ECE1: variants seen among roughly 807,000 people sequenced by gnomAD.
ECE1 encodes endothelin converting enzyme 1.
In ECE1, 35 loss-of-function variants were observed where a neutral mutation model predicts 98.6. That is an observed-to-expected ratio of 0.35 (90% CI 0.27 to 0.47). The LOEUF (loss-of-function observed/expected upper bound fraction) is 0.47. Among genes scored for constraint, ECE1 ranks in the 20% least tolerant of loss-of-function variants. The pLI is 1.00. For synonymous variants in ECE1, 394 were observed against 407.1 expected (o/e 0.97, Z 0.39); for missense variants, 814 against 1,025.3 (o/e 0.79, Z 2.81).
At chr1:21,254,829 C>T (rs947287161) in intron 8 of ECE1, among the ~76,000 whole-genome samples, 10 of 152,194 alleles carry the variant, frequency 6.6e-5, no homozygotes, top group Admixed American at 6.5e-4. Flanking sequence ...GGGCAGCCAG[C>T]ACCAGCAGGA....
intron 8 of ECE1, among the ~76,000 whole-genome samples, chr1:21,254,655 T>C (rs1248275936): frequency 2.6e-5 from 4 of 151,948 alleles, no homozygotes; most frequent in African/African-American, 9.7e-5. Flanking sequence ...GGCTGAGAAA[T>C]CGGCTGGAAC....
rs1481825887 is a variant in ECE1, at chr1:21,256,156, C to A, written c.829-18G>T. 6.3e-7 allele frequency: 1 copy of A among 1,591,332 alleles called. No homozygotes were observed. The highest frequency in any genetic ancestry group is 8.6e-7 in the Non-Finnish European group (1 of 1,163,864). On this transcript the variant is annotated intron_variant, in intron 7 of 18. Transcript: ENST00000374893. ...GTCAGCACCTGCAGGGCCCATACCC[C>A]AAACTGTCAGTGGCTGCCCCCCCAC...
Position 21,225,187 on chromosome 1 carries a change from C to A in ECE1, c.2040+63G>T. 1 of 1,589,650 alleles carries A rather than the reference C, an allele frequency of 6.3e-7. No homozygotes were observed. The highest frequency in any genetic ancestry group is 8.6e-7 in the Non-Finnish European group (1 of 1,163,686). Reference sequence around the variant, plus strand: ...CCTGGTTGTCCGTGATGATCCTCTACGGACAGGCATCTGGAAGGAGCCAGC... The same window carrying A: ...CCTGGTTGTCCGTGATGATCCTCTAAGGACAGGCATCTGGAAGGAGCCAGC... On this transcript the variant is annotated intron_variant, in intron 17 of 18. Coordinates refer to ENST00000374893, the MANE Select transcript of ECE1 (RefSeq NM_001397.3). This position sits in a 1 kb window ranked among gnomAD's most constrained non-coding sequence, Gnocchi z 5.3.
At chr1:21,316,111 A>G (rs1182824513) in intron 1 of ECE1, among the ~76,000 whole-genome samples, 1 of 152,266 alleles carries the variant, frequency 6.6e-6, no homozygotes, top group Non-Finnish European at 1.5e-5. Flanking sequence ...ACAATGCGCC[A>G]GACACTGTTC....
chr1:21,273,338 CGT>C (rs780250320), intron 3 of ECE1, among the ~76,000 whole-genome samples: 17 of 122,334 alleles, frequency 1.4e-4, no homozygotes, highest in South Asian at 3.2e-4. Flanking sequence ...TGTGCCCGTG[CGT>C]GTGTGCGTGT....
intron 2 of ECE1, 155 bp from the exon 3 acceptor site, chr1:21,279,487 A>T (rs963560550): frequency 6.7e-7 from 1 of 1,501,276 alleles, no homozygotes; most frequent in African/African-American, 1.4e-5. Context: ...TTCAGCCCTA[A>T]TCCAGGAAAG....
chr1:21,292,311 C>CA (rs1270698206), upstream of ECE1, among the ~76,000 whole-genome samples: 1 of 151,980 alleles, frequency 6.6e-6, no homozygotes, highest in Non-Finnish European at 1.5e-5. Context: ...CCCTCCCCCA[C>CA]CAACCTCCTC....
At chr1:21,236,040 G>C in intron 12 of ECE1, 113 bp from the exon 13 acceptor site, 2 of 992,224 alleles carry the variant, frequency 2.0e-6, no homozygotes, top group Non-Finnish European at 3.3e-6. Context: ...GCCAGGCCCT[G>C]CCTGCCTTGG....
At chr1:21,328,751 G>A (rs1247032013) in intron 1 of ECE1, among the ~76,000 whole-genome samples, 10 of 118,120 alleles carry the variant, frequency 8.5e-5, no homozygotes, top group South Asian at 3.1e-4. Flanking sequence ...CAACAAGAGC[G>A]AACCTCCATC....
chr1:21,308,706 G>C (rs1362750120), intron 1 of ECE1, among the ~76,000 whole-genome samples: 2 of 151,868 alleles, frequency 1.3e-5, no homozygotes, highest in Non-Finnish European at 2.9e-5. Context: ...ATGAGACGGT[G>C]AACAGCCTTT....
At chr1:21,276,566 C>T (rs1263971996) in intron 3 of ECE1, among the ~76,000 whole-genome samples, 2 of 152,078 alleles carry the variant, frequency 1.3e-5, no homozygotes, top group Non-Finnish European at 2.9e-5. Context: ...TTTGCTGCCT[C>T]TGTTTGCAAA....
chr1:21,273,031 T>A (rs1047744375), intron 3 of ECE1, 120 bp from the exon 4 acceptor site: 4 of 1,068,968 alleles, frequency 3.7e-6, no homozygotes, highest in Non-Finnish European at 5.7e-6. Flanking sequence ...CCACACAGAT[T>A]TGGAACTGGA....
chr1:21,324,843 C>G lies in ECE1; in HGVS notation c.3+20533G>C, dbSNP rs182745628. Among the ~76,000 whole-genome samples the G allele has an allele frequency of 1.0e-3, 155 of 152,368 alleles. 1 individual carries two copies. Among genetic ancestry groups the G allele is most frequent in the Admixed American group, 0.01 (154 of 15,304 alleles). ...GTGTGTCACTGGGCGTCACCCAGCA[C>G]TGCTCAAGTTGAACCTGATGCAGAA... On this transcript the variant is annotated intron_variant, in intron 1 of 18. Coordinates refer to the ECE1 transcript ENST00000415912.
chr1:21,297,530 CTTTTTTTTTT>C (rs768958507), intron 1 of ECE1, among the ~76,000 whole-genome samples: 3 of 116,194 alleles, frequency 2.6e-5, no homozygotes, highest in Non-Finnish European at 5.3e-5. Context: ...TTTTCTTTTT[CTTTTTTTTTT>C]TTTTTTTTTG....
rs2098225357 is a variant in ECE1, at chr1:21,260,473, C to G, written c.494-81G>C. The G allele has an allele frequency of 2.6e-6, 4 of 1,555,408 alleles. No homozygotes were observed. Among genetic ancestry groups the G allele is most frequent in the Admixed American group, 3.3e-5 (2 of 59,922 alleles). ...TTTGGGGCAGTCCCTCTTTTCGGAG[C>G]CTTGGTGTTCTCAGCTGCAAAGGAG... On this transcript the variant is annotated intron_variant, in intron 4 of 18. Coordinates refer to ENST00000374893, the MANE Select transcript of ECE1 (RefSeq NM_001397.3). This position sits in a 1 kb window ranked among gnomAD's most constrained non-coding sequence, Gnocchi z 4.3.
chr1:21,325,473 C>T (rs925392782), intron 1 of ECE1, among the ~76,000 whole-genome samples: 2 of 152,242 alleles, frequency 1.3e-5, no homozygotes, highest in Admixed American at 6.5e-5. Flanking sequence ...GCAGGCTTCT[C>T]ATCCTCTTTT....
chr1:21,238,121 G>A lies in ECE1; in HGVS notation c.1389+13C>T. 6.2e-7 allele frequency: 1 copy of A among 1,611,928 alleles called. No homozygotes were observed. The highest frequency in any genetic ancestry group is 8.5e-7 in the Non-Finnish European group (1 of 1,177,994). On this transcript the variant is annotated intron_variant, in intron 11 of 18. Transcript: ENST00000374893. ...GTGACCTCACAGCCTGTGTCCACGG[G>A]GAAGGCACTTACTATGCTCTTGCTG...
chr1:21,290,333 GC>G lies in ECE1; in HGVS notation c.51+30del. The G allele has an allele frequency of 1.0e-6, 1 of 968,734 alleles. No individual in the cohort carries two copies. Among genetic ancestry groups the G allele is most frequent in the Non-Finnish European group, 1.3e-6 (1 of 798,798 alleles). The allele number at this position is 968,734 out of a possible 1,614,324, so 60.0% of individuals were successfully genotyped here. A position where few individuals can be genotyped will look rare whatever the true frequency, so the allele number is the denominator to read the frequency against. On this transcript the variant is annotated intron_variant, in intron 1 of 18. Coordinates refer to ENST00000374893, the MANE Select transcript of ECE1 (RefSeq NM_001397.3). This position sits in a 1 kb window ranked among gnomAD's most constrained non-coding sequence, Gnocchi z 7.3. ...CGGGGAGGGGTCCCGCCCGCCTCCCGCCCCCGCCCTCCAGGCCGCGCCCGCC... is the reference window on the plus strand; with the variant it reads ...CGGGGAGGGGTCCCGCCCGCCTCCCGCCCCGCCCTCCAGGCCGCGCCCGCC...
At chr1:21,271,457 T>C (rs2098240153) in intron 4 of ECE1, among the ~76,000 whole-genome samples, 1 of 152,208 alleles carries the variant, frequency 6.6e-6, no homozygotes, top group Admixed American at 6.5e-5. Context: ...TTGAATATCT[T>C]AAAGTTTTTT....
Sources: gnomAD v4.1 joint callset for allele counts (sites outside exome capture counted in the v4.1 genomes callset) on GRCh38, gnomAD v4.1.1 for gene constraint, Gnocchi (gnomAD v3.1) non-coding constraint, MANE v1.5 for transcripts, NCBI Gene and HGNC (gene_info 2026-07-23, HGNC 2026-07-21) for gene names.